The following FGF9 variants were observed in gnomAD, a reference collection of about 807,000 sequenced individuals.
FGF9 encodes fibroblast growth factor 9 (glia-activating factor).
Under a neutral mutation model 19.9 loss-of-function variants are expected in FGF9, and 3 were observed. The observed-to-expected ratio is 0.15, with a 90% CI of 0.07 to 0.39. The LOEUF (loss-of-function observed/expected upper bound fraction) is 0.39. Among genes scored for constraint, FGF9 ranks in the 10% least tolerant of loss-of-function variants. The pLI, the probability that FGF9 is intolerant of heterozygous loss-of-function variation, is 1.00. For synonymous variants in FGF9, 107 were observed against 106.9 expected (o/e 1.00, Z -0.01); for missense variants, 175 against 256.8 (o/e 0.68, Z 2.18).
intron 2 of FGF9, among the ~76,000 whole-genome samples, chr13:21,699,014 A>G (rs1872479498): frequency 1.3e-5 from 2 of 152,368 alleles, no homozygotes; most frequent in East Asian, 1.9e-4. Flanking sequence ...AGTAAGGACT[A>G]AAATAGCCAT....
In FGF9 at chr13:21,672,041, G is replaced by T; in HGVS notation, c.129G>T (p.Gly43=). 2 of 1,614,248 alleles carry T rather than the reference G, an allele frequency of 1.2e-6. No individual in the cohort carries two copies. The highest frequency in any genetic ancestry group is 1.7e-6 in the Non-Finnish European group (2 of 1,180,054). Residue 43 remains glycine, a synonymous_variant, in exon 1 of 3, where the codon GGG becomes GGT. Transcript: ENST00000382353. This position sits in a 1 kb window ranked among gnomAD's most constrained non-coding sequence, Gnocchi z 4.2. The part of the protein sequence containing the change: ...LSDHLGQSEA[G]GLPRGPAVTD... ...ACCACCTGGGTCAGTCCGAAGCAGG[G>T]GGGCTCCCCAGGGGACCCGCAGTCA... is the stretch of plus-strand genomic sequence containing the variant.
chr13:21,682,030 A>G lies in FGF9; in HGVS notation c.381+885A>G, dbSNP rs539214347. 2.4e-5 allele frequency among the ~76,000 whole-genome samples: 3 copies of G among 124,804 alleles called. No homozygotes were observed. In the South Asian group the frequency reaches 7.5e-4, roughly 31 times the overall value. The allele number at this position is 124,804 out of a possible 152,430, so 81.9% of individuals were successfully genotyped here. A position where few individuals can be genotyped will look rare whatever the true frequency, so the allele number is the denominator to read the frequency against. On this transcript the variant is annotated intron_variant, in intron 2 of 2. Transcript: ENST00000382353. ...CTTTTCTTTCTTTTTTTTTTTTTTG[A>G]GATAGGGTATTGCTGTTGCCCAGGC...
intron 2 of FGF9, among the ~76,000 whole-genome samples, chr13:21,689,322 G>A (rs1218171404): frequency 2.0e-5 from 3 of 152,206 alleles, no homozygotes; most frequent in Non-Finnish European, 4.4e-5. Context: ...AGAGCTCTGC[G>A]AAGGCAGGGA....
At chr13:21,685,833 A>G (rs1872143767) in intron 2 of FGF9, among the ~76,000 whole-genome samples, 1 of 152,200 alleles carries the variant, frequency 6.6e-6, no homozygotes, top group African/African-American at 2.4e-5. Flanking sequence ...TAGGAGCCTC[A>G]GAAAAGGAAG....
At chr13:21,693,747 C>A (rs1198612098) in intron 2 of FGF9, among the ~76,000 whole-genome samples, 2 of 152,158 alleles carry the variant, frequency 1.3e-5, no homozygotes, top group Non-Finnish European at 2.9e-5. Context: ...AGGACTGTAT[C>A]CTCCCAGTGG....
At chr13:21,673,095 G>A (rs1306586355) in intron 1 of FGF9, among the ~76,000 whole-genome samples, 6 of 151,972 alleles carry the variant, frequency 3.9e-5, no homozygotes, top group Non-Finnish European at 8.8e-5. Flanking sequence ...TGAGCCCAAC[G>A]GCACGAAGTC....
intron 2 of FGF9, among the ~76,000 whole-genome samples, chr13:21,693,398 CATG>C (rs1872336934): frequency 6.6e-6 from 1 of 152,012 alleles, no homozygotes. Context: ...GCTGAGGGGA[CATG>C]GGCATCCGCT....
rs1246664913 is a variant in FGF9 at position 21,701,601 on chromosome 13, G to A, written c.*166G>A. ...GCTTGGATGGGAATATGCTGATTTT[G>A]TTCTGCACTTAAAGGCTTCTCCTCC... On this transcript the variant is annotated 3_prime_UTR_variant, in exon 3 of 3. Coordinates refer to ENST00000382353, the MANE Select transcript of FGF9 (RefSeq NM_002010.3). 2 of 958,448 alleles carry A rather than the reference G, an allele frequency of 2.1e-6. No individual in the cohort carries two copies. Among genetic ancestry groups the A allele is most frequent in the Non-Finnish European group, 3.2e-6 (2 of 631,328 alleles). 59.4% of individuals were successfully genotyped at this position (958,448 alleles called of 1,614,324 possible). A position where few individuals can be genotyped will look rare whatever the true frequency, so the allele number is the denominator to read the frequency against.
rs1871749518 is a variant in FGF9 at position 21,671,076 on chromosome 13, ACT to A, written c.-834_-833del. ...CCAGCCCAATGCCGCTGCCTGCGCC[ACT>A]CTGCGCGCCGGCGGGGGCTGCGCAG... On this transcript the variant is annotated 5_prime_UTR_variant, in exon 1 of 3. Transcript: ENST00000382353. 6.6e-6 allele frequency among the ~76,000 whole-genome samples: 1 copy of A among 151,570 alleles called. No individual in the cohort carries two copies. The highest frequency in any genetic ancestry group is 2.1e-4 in the South Asian group (1 of 4,802).
In FGF9 at chr13:21,671,992, T is replaced by C. The variant is rs1187048373; in HGVS notation, c.80T>C (p.Val27Ala). 2 of 1,614,226 alleles carry C rather than the reference T, an allele frequency of 1.2e-6. No individual in the cohort carries two copies. The highest frequency in any genetic ancestry group is 2.2e-5 in the South Asian group (2 of 91,090). ...TTTGGGAATGTGCCCGTGTTGCCGG[T>C]GGACAGCCCGGTTTTGTTAAGTGAC... is the stretch of plus-strand genomic sequence containing the variant. ...VPFGNVPVLP[V>A]DSPVLLSDHL... The change falls in exon 1 of 3, where the codon GTG becomes GCG. Residue 27 changes from valine to alanine, a missense_variant. By Grantham distance (64) the Val-to-Ala change is moderately conservative (BLOSUM62 0). Coordinates refer to ENST00000382353, the MANE Select transcript of FGF9 (RefSeq NM_002010.3).
At chr13:21,695,027 G>A (rs1872371369) in intron 2 of FGF9, among the ~76,000 whole-genome samples, 1 of 151,886 alleles carries the variant, frequency 6.6e-6, no homozygotes, top group Non-Finnish European at 1.5e-5. Context: ...CAGCAGACTG[G>A]GTACCACATG....
chr13:21,701,115 A>C, intron 2 of FGF9, 75 bp from the exon 3 acceptor site: 1 of 1,251,682 alleles, frequency 8.0e-7, no homozygotes, highest in Non-Finnish European at 1.2e-6. Flanking sequence ...GCACCTATCA[A>C]TCCATCCCCT....
At position 21,671,414 on chromosome 13, in the gene FGF9, A is replaced by C. The variant is rs1871763843; in HGVS notation, c.-499A>C. 2.4e-6 allele frequency: 1 copy of C among 409,250 alleles called. No homozygotes were observed. The highest frequency in any genetic ancestry group is 1.2e-4 in the South Asian group (1 of 8,436). 25.4% of individuals were successfully genotyped at this position (409,250 alleles called of 1,614,324 possible). On this transcript the variant is annotated 5_prime_UTR_variant, in exon 1 of 3. Coordinates refer to ENST00000382353, the MANE Select transcript of FGF9 (RefSeq NM_002010.3). Reference sequence around the variant, plus strand: ...TTGAAGGATTCATGCTGATGTCTGCAGAGTCGGTTAGAGAGTAAAAACAGC... The same window carrying C: ...TTGAAGGATTCATGCTGATGTCTGCCGAGTCGGTTAGAGAGTAAAAACAGC...
intron 2 of FGF9, among the ~76,000 whole-genome samples, chr13:21,698,717 G>A (rs1872472993): frequency 2.0e-5 from 3 of 152,096 alleles, no homozygotes; most frequent in Admixed American, 2.0e-4. Flanking sequence ...CCTCACTCAT[G>A]GCTCAAAAAG....
Position 21,672,205 on chromosome 13 carries a change from AC to A in FGF9, c.277+19del. Reference sequence around the variant, plus strand: ...AGCCGATTTGGTAGGTATACCATTAACCCTTTAGTGTCCATGAGATGACATG... The same window carrying A: ...AGCCGATTTGGTAGGTATACCATTAACCTTTAGTGTCCATGAGATGACATG... On this transcript the variant is annotated intron_variant, in intron 1 of 2. Coordinates refer to ENST00000382353, the MANE Select transcript of FGF9 (RefSeq NM_002010.3). This position sits in a 1 kb window ranked among gnomAD's most constrained non-coding sequence, Gnocchi z 4.2. 1 of 1,613,874 alleles carries A rather than the reference AC, an allele frequency of 6.2e-7. No individual in the cohort carries two copies. The highest frequency in any genetic ancestry group is 8.5e-7 in the Non-Finnish European group (1 of 1,179,798).
At chr13:21,690,224 G>A (rs541933546) in intron 2 of FGF9, among the ~76,000 whole-genome samples, 7 of 151,838 alleles carry the variant, frequency 4.6e-5, no homozygotes, top group African/African-American at 9.7e-5. Context: ...CACATAACAC[G>A]CTTACATGCT....
At chr13:21,688,248 G>A (rs1256476613) in intron 2 of FGF9, among the ~76,000 whole-genome samples, 3 of 152,196 alleles carry the variant, frequency 2.0e-5, no homozygotes, top group Non-Finnish European at 4.4e-5. Context: ...GATGGGAGAC[G>A]TTCAGACACG....
chr13:21,685,722 A>T (rs1333511851), intron 2 of FGF9, among the ~76,000 whole-genome samples: 4 of 152,334 alleles, frequency 2.6e-5, no homozygotes, highest in African/African-American at 9.6e-5. Flanking sequence ...AATTTCCCAT[A>T]GTAGAGGAAT....
At position 21,671,774 on chromosome 13, in the gene FGF9, T is replaced by C; in HGVS notation, c.-139T>C. The C allele has an allele frequency of 1.0e-6, 1 of 966,520 alleles. No individual in the cohort carries two copies. Among genetic ancestry groups the C allele is most frequent in the East Asian group, 2.4e-5 (1 of 41,142 alleles). The allele number at this position is 966,520 out of a possible 1,614,324, so 59.9% of individuals were successfully genotyped here. The stretch of plus-strand genomic sequence containing the variant: ...TACTTTTATTTATGCATTTAATGGA[T>C]TGAAGAAAAGAACCTTTTTTTTCTC... On this transcript the variant is annotated 5_prime_UTR_variant, in exon 1 of 3. Coordinates refer to ENST00000382353, the MANE Select transcript of FGF9 (RefSeq NM_002010.3).
Sources: allele counts gnomAD v4.1 joint callset (sites outside exome capture counted in the v4.1 genomes callset), GRCh38; gene constraint gnomAD v4.1.1; non-coding constraint Gnocchi (gnomAD v3.1); transcripts MANE v1.5; gene names NCBI Gene and HGNC (gene_info 2026-07-23, HGNC 2026-07-21).